LRMDA: variants seen among roughly 807,000 people sequenced by gnomAD.
LRMDA encodes leucine-rich melanocyte differentiation-associated protein.
Under a neutral mutation model 29.8 loss-of-function variants are expected in LRMDA, and 18 were observed. The observed-to-expected ratio is 0.60, with a 90% CI of 0.42 to 0.90. The LOEUF is 0.90. LRMDA is among the 40% of genes least tolerant of loss of function. The pLI is 0.00. For missense variants in LRMDA, 273 were observed against 273.9 expected, an observed-to-expected ratio of 1.00 and a Z score of 0.02; for synonymous variants, 125 against 109.4, an observed-to-expected ratio of 1.14 and a Z score of -0.89.
intron 6 of LRMDA, among the ~76,000 whole-genome samples, chr10:76,537,911 A>G (rs193027126): frequency 2.0e-5 from 3 of 152,288 alleles, no homozygotes; most frequent in Admixed American, 2.0e-4. Flanking sequence ...TCTCTGTTCT[A>G]CAATATACAC....
At chr10:76,201,040 T>C (rs527552309) in intron 5 of LRMDA, among the ~76,000 whole-genome samples, 29 of 149,402 alleles carry the variant, frequency 1.9e-4, no homozygotes, top group African/African-American at 7.1e-4. Flanking sequence ...TCGTAACGCT[T>C]AGTGACCCCA....
intron 5 of LRMDA, among the ~76,000 whole-genome samples, chr10:76,193,109 A>T (rs971749263): frequency 1.2e-4 from 18 of 152,110 alleles, no homozygotes; most frequent in Middle Eastern, 3.2e-3. Context: ...TTAGTTAGAG[A>T]TATGAGCGTG....
At chr10:76,257,739 AC>A (rs1178413241) in intron 5 of LRMDA, among the ~76,000 whole-genome samples, 1 of 152,218 alleles carries the variant, frequency 6.6e-6, no homozygotes, top group African/African-American at 2.4e-5. Context: ...TTATCTTGCA[AC>A]AAACCACCTC....
chr10:75,843,583 A>G (rs763577389), intron 2 of LRMDA, among the ~76,000 whole-genome samples: 2 of 152,214 alleles, frequency 1.3e-5, no homozygotes, highest in Non-Finnish European at 2.9e-5. Context: ...TCAGCTGTGA[A>G]GATCAGAGGA....
chr10:75,438,911 C>T (rs1190047660), intron 2 of LRMDA, among the ~76,000 whole-genome samples: 1 of 152,248 alleles, frequency 6.6e-6, no homozygotes, highest in African/African-American at 2.4e-5. Flanking sequence ...AAACATTCGT[C>T]GAGTCACAGG....
At chr10:75,637,945 C>G (rs1036706261) in intron 2 of LRMDA, among the ~76,000 whole-genome samples, 4 of 152,212 alleles carry the variant, frequency 2.6e-5, no homozygotes, top group African/African-American at 9.6e-5. Flanking sequence ...CCCTAAACAC[C>G]AGCAGCACTG....
intron 2 of LRMDA, among the ~76,000 whole-genome samples, chr10:75,694,599 A>G (rs1842209403): frequency 6.6e-6 from 1 of 152,186 alleles, no homozygotes; most frequent in African/African-American, 2.4e-5. Context: ...TTTAATCTCT[A>G]ATAGAGTACG....
intron 2 of LRMDA, among the ~76,000 whole-genome samples, chr10:75,466,016 A>G (rs1014740046): frequency 2.6e-5 from 4 of 152,190 alleles, no homozygotes; most frequent in African/African-American, 7.2e-5. Context: ...CTGCCCATCC[A>G]TGGGGCTACA....
chr10:76,343,674 G>A (rs758114349), intron 6 of LRMDA, among the ~76,000 whole-genome samples: 14 of 152,192 alleles, frequency 9.2e-5, no homozygotes, highest in Non-Finnish European at 1.8e-4. Context: ...TCCTGTGAAA[G>A]TAAGGACAAA....
At chr10:75,967,772 C>T (rs574442436) in intron 2 of LRMDA, among the ~76,000 whole-genome samples, 2 of 150,826 alleles carry the variant, frequency 1.3e-5, no homozygotes, top group South Asian at 4.2e-4. Flanking sequence ...AGGCGGCGGG[C>T]AGGGGTGGGG....
At chr10:75,464,089 A>T (rs1844623963) in intron 2 of LRMDA, among the ~76,000 whole-genome samples, 2 of 152,244 alleles carry the variant, frequency 1.3e-5, no homozygotes, top group African/African-American at 4.8e-5. Flanking sequence ...GGCGTGAGCC[A>T]CTGCGCCCAT....
intron 2 of LRMDA, among the ~76,000 whole-genome samples, chr10:76,033,590 TGCCA>T (rs1371030124): frequency 2.0e-5 from 3 of 152,126 alleles, no homozygotes; most frequent in Non-Finnish European, 4.4e-5. Flanking sequence ...GCTTGCCAGT[TGCCA>T]ACCATTTGCT....
chr10:76,301,692 G>A (rs1840482308), intron 5 of LRMDA, among the ~76,000 whole-genome samples: 1 of 152,152 alleles, frequency 6.6e-6, no homozygotes, highest in African/African-American at 2.4e-5. Flanking sequence ...TTGGCAAAAA[G>A]TATTATGTAA....
intron 2 of LRMDA, among the ~76,000 whole-genome samples, chr10:75,491,213 A>G (rs1182796259): frequency 6.6e-6 from 1 of 152,230 alleles, no homozygotes; most frequent in Non-Finnish European, 1.5e-5. Context: ...GTGTGTTGCT[A>G]TAGCTCCCAC....
In LRMDA at chr10:76,502,489, C is replaced by A. The variant is rs146295019; in HGVS notation, c.602-54720C>A. On this transcript the variant is annotated intron_variant, in intron 6 of 6. Transcript: ENST00000611255. ...TTATATTGCTTCTTCTAATCCATGA[C>A]CATGGAATGTTTTTCCATTTATTCA... 1.8e-3 allele frequency among the ~76,000 whole-genome samples: 269 copies of A among 151,926 alleles called. 4 individuals are homozygous for A. The East Asian group carries it at 0.019, about 11-fold the overall frequency.
chr10:76,321,917 C>T (rs1051619914), intron 5 of LRMDA, among the ~76,000 whole-genome samples: 2 of 151,804 alleles, frequency 1.3e-5, no homozygotes, highest in Non-Finnish European at 2.9e-5. Flanking sequence ...TGTATTCCAG[C>T]CTGGGCAAGA....
chr10:76,405,679 G>A (rs955637666), intron 6 of LRMDA, among the ~76,000 whole-genome samples: 8 of 152,158 alleles, frequency 5.3e-5, no homozygotes, highest in African/African-American at 1.9e-4. Flanking sequence ...CCTCTAAATA[G>A]GGAAGAAAGA....
rs544631531 is a variant in LRMDA at position 76,298,499 on chromosome 10, A to G, written c.517-25902A>G. On this transcript the variant is annotated intron_variant, in intron 5 of 6. Transcript: ENST00000611255. ...GGCCTGGTACTAGTGCCTAAATTACAAAGGTAGGAGAGGAAATGAACTCTG... is the reference window on the plus strand; with the variant it reads ...GGCCTGGTACTAGTGCCTAAATTACGAAGGTAGGAGAGGAAATGAACTCTG... Among the ~76,000 whole-genome samples the G allele has an allele frequency of 5.9e-5, 9 of 152,290 alleles. No homozygotes were observed. The East Asian group carries it at 1.2e-3, about 20-fold the overall frequency.
At chr10:76,290,574 C>T (rs1234373511) in intron 5 of LRMDA, among the ~76,000 whole-genome samples, 1 of 152,004 alleles carries the variant, frequency 6.6e-6, no homozygotes, top group East Asian at 1.9e-4. Flanking sequence ...AGGCGTATGC[C>T]ACCACAGCTG....
Sources: gnomAD v4.1 joint callset for allele counts (sites outside exome capture counted in the v4.1 genomes callset) on GRCh38, gnomAD v4.1.1 for gene constraint, MANE v1.5 for transcripts, NCBI Gene and HGNC (gene_info 2026-07-23, HGNC 2026-07-21) for gene names.